SLIT2: variants seen among roughly 807,000 people sequenced by gnomAD.
SLIT2 encodes slit homolog 2 protein.
In SLIT2, 41 loss-of-function variants were observed where a neutral mutation model predicts 185.7. The ratio of observed to expected loss-of-function variants is 0.22; its 90% CI spans 0.17 to 0.29. The LOEUF is 0.29. SLIT2 is among the 10% of genes least tolerant of loss of function. SLIT2 has a pLI of 1.00. For missense variants in SLIT2, 1,571 were observed against 1,909.0 expected (o/e 0.82, Z 3.30); for synonymous variants, 693 against 680.2 (o/e 1.02, Z -0.29).
At chr4:20,477,377 T>G (rs1577738389) in intron 5 of SLIT2, among the ~76,000 whole-genome samples, 2 of 152,050 alleles carry the variant, frequency 1.3e-5, no homozygotes, top group African/African-American at 4.8e-5. Flanking sequence ...TTTTGTATTT[T>G]TAGTAGAGAT....
chr4:20,615,861 C>G (rs1233597930), intron 34 of SLIT2: 2 of 152,202 alleles, frequency 1.3e-5, no homozygotes, highest in African/African-American at 4.8e-5. Flanking sequence ...ACAGCTAAAG[C>G]ATAATTACGG....
chr4:20,592,706 A>C (rs1210819975), intron 30 of SLIT2, among the ~76,000 whole-genome samples: 1 of 151,992 alleles, frequency 6.6e-6, no homozygotes, highest in Admixed American at 6.6e-5. Context: ...AATGCTTGGC[A>C]CTTCAACAGC....
intron 35 of SLIT2, 80 bp from the exon 36 acceptor site, chr4:20,617,359 C>A: frequency 6.9e-7 from 1 of 1,446,462 alleles, no homozygotes; most frequent in Non-Finnish European, 9.6e-7. Flanking sequence ...CTCAATCATC[C>A]TCCATTCTTA....
chr4:20,540,178 C>T (rs143948459), intron 19 of SLIT2, among the ~76,000 whole-genome samples: 10,778 of 151,888 alleles, frequency 0.071, 490 homozygotes, highest in East Asian at 0.23. Flanking sequence ...GTCCCAGCTA[C>T]TCGGGAGGGT....
At chr4:20,463,202 C>T (rs1386709235) in intron 4 of SLIT2, among the ~76,000 whole-genome samples, 2 of 151,584 alleles carry the variant, frequency 1.3e-5, no homozygotes, top group Non-Finnish European at 2.9e-5. Flanking sequence ...TGACAAGCTG[C>T]CTCCCTCCTT....
chr4:20,417,436 G>GTGTATATATA lies in SLIT2; in HGVS notation c.396-50315_396-50314insGTATATATAT, dbSNP rs1553898364. On this transcript the variant is annotated intron_variant, in intron 4 of 36. Coordinates refer to ENST00000504154, the MANE Select transcript of SLIT2 (RefSeq NM_004787.4). ...CGCAATCATATATATATGTGTGTGT[G>GTGTATATATA]TATATATATATATATATATATACGT... Among the ~76,000 whole-genome samples the GTGTATATATA allele has an allele frequency of 1.9e-3, 239 of 123,676 alleles. 1 individual carries two copies. Among genetic ancestry groups the GTGTATATATA allele is most frequent in the African/African-American group, 6.3e-3 (217 of 34,636 alleles). 81.1% of individuals were successfully genotyped at this position (123,676 alleles called of 152,430 possible).
At chr4:20,369,573 C>T (rs1723405913) in intron 4 of SLIT2, among the ~76,000 whole-genome samples, 1 of 152,044 alleles carries the variant, frequency 6.6e-6, no homozygotes, top group Admixed American at 6.6e-5. Flanking sequence ...CTCTCTGAGT[C>T]CTTGGATTGT....
intron 4 of SLIT2, among the ~76,000 whole-genome samples, chr4:20,293,667 G>C (rs1434709279): frequency 6.6e-6 from 1 of 152,184 alleles, no homozygotes; most frequent in East Asian, 1.9e-4. Context: ...TGAAGAACTA[G>C]AGGCATAGAT....
At chr4:20,329,378 T>C (rs1719877501) in intron 4 of SLIT2, among the ~76,000 whole-genome samples, 1 of 152,042 alleles carries the variant, frequency 6.6e-6, no homozygotes, top group Non-Finnish European at 1.5e-5. Flanking sequence ...TTTATAATCA[T>C]GTTAGAATAA....
chr4:20,550,534 G>A (rs636798), intron 24 of SLIT2, among the ~76,000 whole-genome samples: 1 of 151,728 alleles, frequency 6.6e-6, no homozygotes, highest in African/African-American at 2.4e-5. Context: ...AACTGAGCCT[G>A]TGAAAGCCTT....
At chr4:20,384,439 T>G (rs562833178) in intron 4 of SLIT2, among the ~76,000 whole-genome samples, 1 of 152,240 alleles carries the variant, frequency 6.6e-6, no homozygotes. Flanking sequence ...ATCATGACAG[T>G]TTTAGTGGTT....
At chr4:20,543,205 A>C (rs1722966526) in intron 21 of SLIT2, among the ~76,000 whole-genome samples, 1 of 152,108 alleles carries the variant, frequency 6.6e-6, no homozygotes. Context: ...GCTTGAATCA[A>C]AGTCCTTTAG....
At chr4:20,472,113 C>G (rs1218950544) in intron 5 of SLIT2, among the ~76,000 whole-genome samples, 2 of 148,498 alleles carry the variant, frequency 1.3e-5, no homozygotes, top group African/African-American at 5.0e-5. Flanking sequence ...TTTTTAAACT[C>G]CCAAAACAAA....
chr4:20,396,345 A>G (rs537102609), intron 4 of SLIT2, among the ~76,000 whole-genome samples: 23 of 152,024 alleles, frequency 1.5e-4, no homozygotes, highest in Non-Finnish European at 3.4e-4. Context: ...TATGGTAATC[A>G]TATAGCTCAT....
At chr4:20,408,037 G>T (rs940653894) in intron 4 of SLIT2, among the ~76,000 whole-genome samples, 8 of 152,190 alleles carry the variant, frequency 5.3e-5, no homozygotes, top group African/African-American at 1.9e-4. Flanking sequence ...GTGGTGATCA[G>T]CAACTATTGT....
intron 32 of SLIT2, among the ~76,000 whole-genome samples, chr4:20,597,899 A>G (rs1055661419): frequency 6.6e-6 from 1 of 152,202 alleles, no homozygotes; most frequent in Non-Finnish European, 1.5e-5. Context: ...GTTTTTAAAT[A>G]TGAGATATAA....
intron 4 of SLIT2, among the ~76,000 whole-genome samples, chr4:20,342,132 A>G (rs928071766): frequency 1.3e-5 from 2 of 152,288 alleles, no homozygotes; most frequent in Non-Finnish European, 1.5e-5. Context: ...TGTACCATTT[A>G]TTATTACTAG....
At chr4:20,536,578 AACAAAAAC>A (rs1560174683) in intron 18 of SLIT2, among the ~76,000 whole-genome samples, 19 of 145,174 alleles carry the variant, frequency 1.3e-4, no homozygotes, top group African/African-American at 5.0e-4. Flanking sequence ...AAAAAAAAAA[AACAAAAAC>A]CACTGTACAA....
At chr4:20,441,315 C>A (rs1307966695) in intron 4 of SLIT2, among the ~76,000 whole-genome samples, 1 of 152,150 alleles carries the variant, frequency 6.6e-6, no homozygotes, top group African/African-American at 2.4e-5. Flanking sequence ...TTCTTAACAT[C>A]AAATCTTTAT....
Sources: gnomAD v4.1 joint callset for allele counts (sites outside exome capture counted in the v4.1 genomes callset) on GRCh38, gnomAD v4.1.1 for gene constraint, MANE v1.5 for transcripts, NCBI Gene and HGNC (gene_info 2026-07-23, HGNC 2026-07-21) for gene names.